RASSF5: variants seen among roughly 807,000 people sequenced by gnomAD.
The protein encoded by RASSF5 is Ras association domain family member 5.
A neutral mutation model predicts 40.5 loss-of-function variants in RASSF5; 25 were observed. The observed-to-expected ratio is 0.62, with a 90% CI of 0.45 to 0.86. RASSF5 has a LOEUF of 0.86. RASSF5 is among the 40% of genes least tolerant of loss of function. RASSF5 has a pLI of 0.00. For synonymous variants in RASSF5, 246 were observed against 252.4 expected (o/e 0.97, Z 0.24); for missense variants, 521 against 572.8 (o/e 0.91, Z 0.92).
chr1:206,559,867 TG>T (rs1200488459), intron 2 of RASSF5, among the ~76,000 whole-genome samples: 1 of 152,122 alleles, frequency 6.6e-6, no homozygotes, highest in Non-Finnish European at 1.5e-5. Flanking sequence ...GGTGAGCAAG[TG>T]CAGGGGTGGA....
At chr1:206,556,214 A>G (rs1420883176) in intron 2 of RASSF5, among the ~76,000 whole-genome samples, 1 of 152,160 alleles carries the variant, frequency 6.6e-6, no homozygotes, top group Non-Finnish European at 1.5e-5. Flanking sequence ...TGTACATGAC[A>G]GTGACTGGGG....
At chr1:206,564,783 G>A (rs1445240143) in intron 2 of RASSF5, among the ~76,000 whole-genome samples, 5 of 152,130 alleles carry the variant, frequency 3.3e-5, no homozygotes, top group Admixed American at 6.5e-5. Flanking sequence ...ACCTAGCCTG[G>A]CATATTTTCC....
intron 2 of RASSF5, among the ~76,000 whole-genome samples, chr1:206,546,822 G>C (rs1290328285): frequency 1.3e-5 from 2 of 152,152 alleles, no homozygotes; most frequent in African/African-American, 4.8e-5. Flanking sequence ...ATTGAATGCT[G>C]ACCTAAATTA....
chr1:206,554,569 G>A (rs1345321154), intron 2 of RASSF5, among the ~76,000 whole-genome samples: 2 of 152,190 alleles, frequency 1.3e-5, no homozygotes, highest in Non-Finnish European at 2.9e-5. Flanking sequence ...TAAGTCCAGG[G>A]ACAAGAATAG....
Position 206,517,405 on chromosome 1 carries a change from G to A in RASSF5, c.457+9346G>A, listed in dbSNP as rs28561885. On this transcript the variant is annotated intron_variant, in intron 1 of 5. Coordinates refer to ENST00000579436, the MANE Select transcript of RASSF5 (RefSeq NM_182663.4). Reference sequence around the variant, plus strand: ...GAGAATCACTTGAGCCCAGGAGGTCGAGGCTGCAGTGAGCTATGATTGGAC... The same window carrying A: ...GAGAATCACTTGAGCCCAGGAGGTCAAGGCTGCAGTGAGCTATGATTGGAC... Among the ~76,000 whole-genome samples, 1,419 of 152,228 alleles carry A rather than the reference G, an allele frequency of 9.3e-3. 24 individuals carry two copies. The highest frequency in any genetic ancestry group is 0.033 in the African/African-American group (1,353 of 41,518).
intron 1 of RASSF5, chr1:206,529,593 T>C (rs1020458501): frequency 2.3e-5 from 18 of 780,510 alleles, no homozygotes; most frequent in Non-Finnish European, 3.7e-5. Context: ...CAATGACAGA[T>C]ACAATGACAT....
Position 206,507,545 on chromosome 1 carries a change from T to C in RASSF5, c.-58T>C. On this transcript the variant is annotated 5_prime_UTR_variant, in exon 1 of 6. Coordinates refer to ENST00000579436, the MANE Select transcript of RASSF5 (RefSeq NM_182663.4). ...GGCGGCCCCTTCTCTCGGGGCTGGC[T>C]CGGGAGTAGCGCAGTCGCCAAAGCC... The C allele has an allele frequency of 1.5e-6, 2 of 1,335,806 alleles. No homozygotes were observed. The highest frequency in any genetic ancestry group is 2.0e-6 in the Non-Finnish European group (2 of 1,022,524). 82.7% of individuals were successfully genotyped at this position (1,335,806 alleles called of 1,614,324 possible). A position where few individuals can be genotyped will look rare whatever the true frequency, so the allele number is the denominator to read the frequency against.
intron 1 of RASSF5, among the ~76,000 whole-genome samples, chr1:206,512,576 G>C (rs1485742202): frequency 2.6e-5 from 4 of 152,158 alleles, no homozygotes; most frequent in Non-Finnish European, 5.9e-5. Context: ...CAGCACTGAG[G>C]GTTTGGTCTG....
At chr1:206,573,583 T>G (rs1270540613) in intron 2 of RASSF5, among the ~76,000 whole-genome samples, 1 of 152,218 alleles carries the variant, frequency 6.6e-6, no homozygotes, top group Non-Finnish European at 1.5e-5. Flanking sequence ...AAGCAAGTAT[T>G]GAGCAAGTAT....
intron 1 of RASSF5, among the ~76,000 whole-genome samples, chr1:206,511,723 G>C (rs574122154): frequency 6.6e-6 from 1 of 152,238 alleles, no homozygotes; most frequent in East Asian, 1.9e-4. Context: ...GAAGGGCACC[G>C]GGACTATTCT....
Position 206,552,431 on chromosome 1 carries a change from G to A in RASSF5, c.579+14138G>A, listed in dbSNP as rs1168413334. Among the ~76,000 whole-genome samples the A allele has an allele frequency of 6.6e-6, 1 of 152,182 alleles. No individual in the cohort carries two copies. Among genetic ancestry groups the A allele is most frequent in the African/African-American group, 2.4e-5 (1 of 41,448 alleles). ...AGGAGGATTTTGACATCAGAGGAGA[G>A]AATAGCAAGAGCTAAGCCACAAGAG... On this transcript the variant is annotated intron_variant, in intron 2 of 5. Transcript: ENST00000579436. This position sits in a 1 kb window ranked among gnomAD's most constrained non-coding sequence, Gnocchi z 4.1.
intron 1 of RASSF5, among the ~76,000 whole-genome samples, chr1:206,508,757 A>G (rs994428499): frequency 6.6e-6 from 1 of 151,824 alleles, no homozygotes; most frequent in Non-Finnish European, 1.5e-5. Flanking sequence ...TTCCTGCCCT[A>G]GTCGTCATGC....
intron 1 of RASSF5, among the ~76,000 whole-genome samples, chr1:206,536,333 A>G (rs575251992): frequency 1.3e-5 from 2 of 152,326 alleles, no homozygotes; most frequent in South Asian, 2.1e-4. Context: ...GGTGGGCTTC[A>G]CTTTCGAGCA....
chr1:206,573,797 C>T lies in RASSF5; in HGVS notation c.580-9472C>T, dbSNP rs547078452. ...CCAAAGCGGGAGGATCACTTGAGGC[C>T]AGGAGTTTGAGACCAGCCTGGGCAA... is the stretch of plus-strand genomic sequence containing the variant. On this transcript the variant is annotated intron_variant, in intron 2 of 5. Transcript: ENST00000579436. Among the ~76,000 whole-genome samples the T allele has an allele frequency of 2.0e-5, 3 of 152,264 alleles. No individual in the cohort carries two copies. The East Asian group carries it at 5.8e-4, about 29-fold the overall frequency.
chr1:206,539,424 T>A (rs1667493275), intron 2 of RASSF5, among the ~76,000 whole-genome samples: 1 of 152,138 alleles, frequency 6.6e-6, no homozygotes, highest in South Asian at 2.1e-4. Flanking sequence ...CATCACATGC[T>A]TTTTCTGGAA....
At chr1:206,578,233 AGTGTGT>A (rs58059864) in intron 2 of RASSF5, among the ~76,000 whole-genome samples, 43 of 117,580 alleles carry the variant, frequency 3.7e-4, no homozygotes, top group African/African-American at 8.1e-4. Flanking sequence ...AAAAAAAAAA[AGTGTGT>A]GTGTGTGTGT....
intron 2 of RASSF5, among the ~76,000 whole-genome samples, chr1:206,563,366 C>G (rs910626922): frequency 6.6e-6 from 1 of 152,168 alleles, no homozygotes; most frequent in Non-Finnish European, 1.5e-5. Flanking sequence ...AAGGACATGA[C>G]CTGTTTCTTT....
At chr1:206,550,022 G>A (rs1369897418) in intron 2 of RASSF5, among the ~76,000 whole-genome samples, 5 of 152,026 alleles carry the variant, frequency 3.3e-5, no homozygotes, top group Non-Finnish European at 5.9e-5. Flanking sequence ...CTGTGAACTC[G>A]GGCTGCCTTT....
intron 2 of RASSF5, among the ~76,000 whole-genome samples, chr1:206,573,923 C>A (rs116773612): frequency 6.6e-6 from 1 of 152,234 alleles, no homozygotes; most frequent in Admixed American, 6.5e-5. Context: ...ATGGCCAGCA[C>A]AGGCCACCTG....
Sources: gnomAD v4.1 joint callset for allele counts (sites outside exome capture counted in the v4.1 genomes callset) on GRCh38, gnomAD v4.1.1 for gene constraint, Gnocchi (gnomAD v3.1) non-coding constraint, MANE v1.5 for transcripts, NCBI Gene and HGNC (gene_info 2026-07-23, HGNC 2026-07-21) for gene names.